Variants in SART3 observed in about 807,000 individuals in gnomAD.
The protein encoded by SART3 is spliceosome associated factor 3, U4/U6 recycling protein.
Under a neutral mutation model 122.3 loss-of-function variants are expected in SART3, and 44 were observed. That is an observed-to-expected ratio of 0.36 (90% CI 0.28 to 0.46). The LOEUF (loss-of-function observed/expected upper bound fraction) is 0.46. SART3 is among the 20% of genes least tolerant of loss of function. The pLI is 1.00. For missense variants in SART3, 1,101 were observed against 1,229.0 expected (o/e 0.90, Z 1.56); for synonymous variants, 442 against 454.0 (o/e 0.97, Z 0.34).
chr12:108,530,418 A>G, intron 14 of SART3, 108 bp from the exon 15 acceptor site: 1 of 1,266,878 alleles, frequency 7.9e-7, no homozygotes, highest in Non-Finnish European at 1.1e-6. Flanking sequence ...AATGAAAAGC[A>G]GAGATCAGGA....
chr12:108,538,881 T>C, intron 7 of SART3, 53 bp downstream of exon 7: 1 of 1,610,776 alleles, frequency 6.2e-7, no homozygotes, highest in Non-Finnish European at 8.5e-7. Flanking sequence ...TTACTGATTT[T>C]AAGTAGATTC....
At chr12:108,531,672 A>T (rs1872682594) in intron 13 of SART3, 1 of 271,008 alleles carries the variant, frequency 3.7e-6, no homozygotes, top group Non-Finnish European at 7.2e-6. Flanking sequence ...CCCAAAATCC[A>T]GACCAATACC....
Position 108,523,342 on chromosome 12 carries a change from T to C in SART3, c.*115A>G. On this transcript the variant is annotated 3_prime_UTR_variant, in exon 19 of 19. Coordinates refer to ENST00000546815, the MANE Select transcript of SART3 (RefSeq NM_014706.4). ...TTCTGTCTAAAGCCGAGGAGCCATCTGTGGTTGCGAGCACGCAGCACACCA... is the reference window on the plus strand; with the variant it reads ...TTCTGTCTAAAGCCGAGGAGCCATCCGTGGTTGCGAGCACGCAGCACACCA... The C allele has an allele frequency of 9.3e-7, 1 of 1,071,316 alleles. No homozygotes were observed. The highest frequency in any genetic ancestry group is 1.5e-6 in the Non-Finnish European group (1 of 689,088). 66.4% of individuals were successfully genotyped at this position (1,071,316 alleles called of 1,614,324 possible). A position where few individuals can be genotyped will look rare whatever the true frequency, so the allele number is the denominator to read the frequency against.
At chr12:108,527,439 C>T (rs1872435324) in intron 15 of SART3, among the ~76,000 whole-genome samples, 1 of 152,226 alleles carries the variant, frequency 6.6e-6, no homozygotes, top group Non-Finnish European at 1.5e-5. Context: ...GCATCTCTTC[C>T]CCCACAGTCT....
rs1872173704 is a variant in SART3, at chr12:108,522,501, A to G, written c.*956T>C. The G allele has an allele frequency of 6.6e-6, 1 of 152,242 alleles. No homozygotes were observed. The highest frequency in any genetic ancestry group is 6.5e-5 in the Admixed American group (1 of 15,290). The allele number at this position is 152,242 out of a possible 1,614,324, so 9.4% of individuals were successfully genotyped here. ...AAAAGATGTGAGGTAAAAAAGCTCAAAAGCTCCAGTGTCAAACTGCTATAA... is the reference window on the plus strand; with the variant it reads ...AAAAGATGTGAGGTAAAAAAGCTCAGAAGCTCCAGTGTCAAACTGCTATAA... On this transcript the variant is annotated 3_prime_UTR_variant, in exon 19 of 19. Transcript: ENST00000546815.
intron 15 of SART3, among the ~76,000 whole-genome samples, chr12:108,529,375 T>C (rs1872545466): frequency 1.3e-5 from 2 of 152,254 alleles, no homozygotes; most frequent in South Asian, 4.1e-4. Flanking sequence ...TGAGCACAAC[T>C]AGCACCTTCT....
chr12:108,529,666 G>A (rs748245399), intron 15 of SART3, among the ~76,000 whole-genome samples: 2 of 152,236 alleles, frequency 1.3e-5, no homozygotes, highest in East Asian at 3.9e-4. Context: ...CAATGGGCAG[G>A]CCACAGGAGC....
At position 108,536,716 on chromosome 12, in the gene SART3, ACCT is replaced by A. The variant is rs764087275; in HGVS notation, c.1376_1378del (p.Glu459del). On this transcript the variant is annotated inframe_deletion, in exon 10 of 19. Transcript: ENST00000546815. ...GGCTGGGGCATACTTACGCTCTTCC[ACCT>A]CCTGCTTCAGATACTCCAAGGCACG... 1 of 1,613,892 alleles carries A rather than the reference ACCT, an allele frequency of 6.2e-7. No homozygotes were observed. Among genetic ancestry groups the A allele is most frequent in the South Asian group, 1.1e-5 (1 of 91,080 alleles).
chr12:108,541,701 G>C (rs1044139700), intron 6 of SART3, among the ~76,000 whole-genome samples: 7 of 151,982 alleles, frequency 4.6e-5, no homozygotes, highest in Non-Finnish European at 8.8e-5. Flanking sequence ...ACCATGCCCA[G>C]CTAATTTTTT....
intron 1 of SART3, 83 bp downstream of exon 1, chr12:108,560,760 G>A (rs1207224494): frequency 3.2e-6 from 4 of 1,262,394 alleles, no homozygotes; most frequent in South Asian, 3.1e-5. Context: ...TATCGCCGCC[G>A]AGGACTAGGG....
intron 10 of SART3, 30 bp downstream of exon 10, chr12:108,536,678 G>T: frequency 6.8e-6 from 11 of 1,612,044 alleles, no homozygotes; most frequent in Non-Finnish European, 9.3e-6. Flanking sequence ...AAATACAACT[G>T]GGCAAAACCA....
chr12:108,533,579 T>C (rs895383149), intron 12 of SART3, among the ~76,000 whole-genome samples: 3 of 152,226 alleles, frequency 2.0e-5, no homozygotes, highest in African/African-American at 7.2e-5. Flanking sequence ...ACCACTGACA[T>C]TATTTGTTGC....
chr12:108,543,191 T>C (rs1437236148), intron 5 of SART3, 39 bp from the exon 6 acceptor site: 1 of 1,611,648 alleles, frequency 6.2e-7, no homozygotes, highest in Non-Finnish European at 8.5e-7. Context: ...GTCTTGCCAT[T>C]GGGCTTTATC....
chr12:108,552,273 A>G (rs1379484285), intron 1 of SART3, among the ~76,000 whole-genome samples: 1 of 152,182 alleles, frequency 6.6e-6, no homozygotes, highest in African/African-American at 2.4e-5. Flanking sequence ...TCCTAATGGT[A>G]AAAGATTGAA....
chr12:108,544,588 A>G, intron 4 of SART3, 110 bp from the exon 5 acceptor site: 2 of 1,501,062 alleles, frequency 1.3e-6, no homozygotes, highest in Non-Finnish European at 1.9e-6. Context: ...TTTTCTTTTG[A>G]GAAGGGTTCT....
At position 108,526,245 on chromosome 12, in the gene SART3, G is replaced by A. The variant is rs780342985; in HGVS notation, c.2224C>T (p.Arg742Cys). Residue 742 changes from arginine to cysteine, a missense_variant, in exon 16 of 19, where the codon CGT becomes TGT. Physicochemically the swap from Arg to Cys is radical, Grantham distance 180 (BLOSUM62 -3). Around this residue, in one of 2 missense-constraint regions of SART3, gnomAD observed 885 missense variants for 1,080.1 expected, o/e 0.82. Transcript: ENST00000546815. The stretch of plus-strand genomic sequence containing the variant: ...TAGCAGTAACCTCGGAAATCCCCAC[G>A]GTTGCTGAAGATGGGTCGGATCTGG... ...VVQIRPIFSN[R>C]GDFRGYCYVE... The A allele has an allele frequency of 5.6e-6, 9 of 1,614,144 alleles. No homozygotes were observed. The highest frequency in any genetic ancestry group is 2.2e-5 in the East Asian group (1 of 44,880).
intron 18 of SART3, chr12:108,523,973 T>C (rs1406484099): frequency 3.6e-6 from 2 of 548,290 alleles, no homozygotes; most frequent in African/African-American, 3.8e-5. Context: ...ATGTGGATCA[T>C]AGCTAGGGCC....
chr12:108,531,797 T>G (rs1419087371), intron 13 of SART3: 1 of 286,988 alleles, frequency 3.5e-6, no homozygotes, highest in Non-Finnish European at 6.8e-6. Context: ...GCTCCTTTGT[T>G]GGATAGATGT....
intron 5 of SART3, 81 bp from the exon 6 acceptor site, chr12:108,543,233 G>T: frequency 6.5e-7 from 1 of 1,537,514 alleles, no homozygotes. Flanking sequence ...ATGAGACTCA[G>T]GTGCCACTAG....
Sources: gnomAD v4.1 joint callset for allele counts (sites outside exome capture counted in the v4.1 genomes callset) on GRCh38, gnomAD v4.1.1 for gene constraint, gnomAD v4.1.1 regional missense constraint, MANE v1.5 for transcripts, NCBI Gene and HGNC (gene_info 2026-07-23, HGNC 2026-07-21) for gene names.